The following NRXN3 variants were observed in gnomAD, a reference collection of about 807,000 sequenced individuals.
NRXN3 encodes neurexin 3, also known as neurexin III.
Under a neutral mutation model 137.6 loss-of-function variants are expected in NRXN3, and 32 were observed. That is an observed-to-expected ratio of 0.23 (90% CI 0.18 to 0.31). NRXN3 has a LOEUF of 0.31. Ranked by LOEUF, NRXN3 falls within the 10% of genes least tolerant of loss-of-function variation. NRXN3 has a pLI of 1.00. For synonymous variants in NRXN3, 798 were observed against 784.5 expected (o/e 1.02, Z -0.29); for missense variants, 1,574 against 2,062.5 (o/e 0.76, Z 4.59).
intron 1 of NRXN3, among the ~76,000 whole-genome samples, chr14:78,227,139 G>A (rs911763481): frequency 3.3e-5 from 5 of 152,194 alleles, no homozygotes; most frequent in South Asian, 2.1e-4. Flanking sequence ...CTGTGAACAC[G>A]TGTAGGGAAG....
rs185018684 is a variant in NRXN3 at position 78,605,561 on chromosome 14, A to G, written c.758-39559A>G. Among the ~76,000 whole-genome samples the G allele has an allele frequency of 1.7e-3, 255 of 152,270 alleles. 2 individuals carry two copies. The highest frequency in any genetic ancestry group is 0.012 in the Admixed American group (191 of 15,292). ...GAATTTAATGTCATATAAAAATGCT[A>G]CTGGGCAAGGAACTTTATTACACAT... On this transcript the variant is annotated intron_variant, in intron 4 of 20. Transcript: ENST00000335750.
chr14:79,778,079 C>A (rs548610997), intron 19 of NRXN3, among the ~76,000 whole-genome samples: 1 of 152,304 alleles, frequency 6.6e-6, no homozygotes, highest in Non-Finnish European at 1.5e-5. Context: ...TAAGCATGTG[C>A]ATGTAGTCAG....
chr14:79,205,217 C>G (rs2066619670), intron 15 of NRXN3, among the ~76,000 whole-genome samples: 1 of 152,162 alleles, frequency 6.6e-6, no homozygotes, highest in African/African-American at 2.4e-5. Context: ...ATGGAATGCC[C>G]TGTAGCTTGG....
intron 4 of NRXN3, among the ~76,000 whole-genome samples, chr14:78,460,908 T>C (rs896998038): frequency 6.6e-6 from 1 of 152,162 alleles, no homozygotes; most frequent in Non-Finnish European, 1.5e-5. Context: ...TCTAACTTCC[T>C]TTCTCCCTCC....
chr14:78,981,518 C>G (rs1369367376), intron 14 of NRXN3, among the ~76,000 whole-genome samples: 1 of 152,152 alleles, frequency 6.6e-6, no homozygotes, highest in Non-Finnish European at 1.5e-5. Flanking sequence ...CCTTTTGATT[C>G]AATCAACATT....
At chr14:78,854,912 C>T (rs533626446) in intron 10 of NRXN3, among the ~76,000 whole-genome samples, 44 of 152,034 alleles carry the variant, frequency 2.9e-4, no homozygotes, top group South Asian at 8.3e-4. Context: ...GTAAATTAAG[C>T]GTATATAAAA....
At chr14:79,139,859 A>T (rs1373684980) in intron 15 of NRXN3, among the ~76,000 whole-genome samples, 1 of 151,544 alleles carries the variant, frequency 6.6e-6, no homozygotes, top group African/African-American at 2.4e-5. Context: ...TGCCAGGATC[A>T]CATGCTCAAA....
chr14:79,802,575 C>T (rs1193825996), intron 19 of NRXN3, among the ~76,000 whole-genome samples: 3 of 152,274 alleles, frequency 2.0e-5, no homozygotes, highest in African/African-American at 7.2e-5. Context: ...GACATTGCCC[C>T]TATAAAGAAT....
At position 79,024,467 on chromosome 14, in the gene NRXN3, T is replaced by C. The variant is rs114694412; in HGVS notation, c.3262+36326T>C. 7.4e-3 allele frequency among the ~76,000 whole-genome samples: 1,125 copies of C among 152,280 alleles called. 13 individuals are homozygous for C. Among genetic ancestry groups the C allele is most frequent in the African/African-American group, 0.026 (1,082 of 41,550 alleles). ...CATCATATCACATCCACATATTCCA[T>C]ACCATGATCCTTAAAGAATACATGC... On this transcript the variant is annotated intron_variant, in intron 15 of 20. Coordinates refer to ENST00000335750, the MANE Select transcript of NRXN3 (RefSeq NM_001330195.2).
At chr14:79,366,784 T>C (rs1355389618) in intron 15 of NRXN3, among the ~76,000 whole-genome samples, 1 of 152,166 alleles carries the variant, frequency 6.6e-6, no homozygotes. Flanking sequence ...GGGAAGGCAT[T>C]TGAATGAATG....
At chr14:78,200,099 A>C (rs1171904221) in intron 1 of NRXN3, among the ~76,000 whole-genome samples, 1 of 152,148 alleles carries the variant, frequency 6.6e-6, no homozygotes, top group Non-Finnish European at 1.5e-5. Flanking sequence ...GCATCTCAGG[A>C]ATAGTTTACT....
chr14:79,431,864 A>G (rs1463410719), intron 15 of NRXN3, among the ~76,000 whole-genome samples: 2 of 152,122 alleles, frequency 1.3e-5, no homozygotes, highest in Non-Finnish European at 2.9e-5. Flanking sequence ...AAATGTATCT[A>G]TCTTTTTACT....
intron 15 of NRXN3, among the ~76,000 whole-genome samples, chr14:79,395,495 G>A (rs964751887): frequency 2.0e-5 from 3 of 152,042 alleles, no homozygotes; most frequent in Non-Finnish European, 4.4e-5. Context: ...TATGTGGAGT[G>A]TGTGTGTGTA....
At chr14:78,326,350 A>C (rs181778187) in intron 4 of NRXN3, among the ~76,000 whole-genome samples, 1 of 152,190 alleles carries the variant, frequency 6.6e-6, no homozygotes, top group Non-Finnish European at 1.5e-5. Context: ...CATGAGTCTG[A>C]GAAGGGCACC....
intron 15 of NRXN3, among the ~76,000 whole-genome samples, chr14:79,404,954 G>T (rs2095280803): frequency 6.6e-6 from 1 of 152,110 alleles, no homozygotes; most frequent in Admixed American, 6.6e-5. Context: ...GTGGGTGGTG[G>T]TGAGAGATGG....
intron 4 of NRXN3, among the ~76,000 whole-genome samples, chr14:78,499,966 T>C (rs1301824775): frequency 6.6e-6 from 1 of 152,168 alleles, no homozygotes; most frequent in Non-Finnish European, 1.5e-5. Flanking sequence ...TGCTGTATTC[T>C]GTTTGTTACA....
chr14:78,760,159 C>T (rs2098687506), intron 8 of NRXN3, among the ~76,000 whole-genome samples: 1 of 150,542 alleles, frequency 6.6e-6, no homozygotes, highest in Non-Finnish European at 1.5e-5. Context: ...ATTCTTCTGC[C>T]TCAGCCTCCT....
At chr14:79,724,405 T>C (rs955335464) in intron 19 of NRXN3, among the ~76,000 whole-genome samples, 11 of 152,138 alleles carry the variant, frequency 7.2e-5, no homozygotes, top group African/African-American at 2.7e-4. Context: ...ATACAATGAT[T>C]TTCAAAGAGG....
chr14:78,673,806 T>G (rs889664875), intron 6 of NRXN3, among the ~76,000 whole-genome samples: 6 of 152,186 alleles, frequency 3.9e-5, no homozygotes, highest in Non-Finnish European at 5.9e-5. Flanking sequence ...TACCATCATG[T>G]TGGAGATCAG....
Sources: allele counts gnomAD v4.1 joint callset (sites outside exome capture counted in the v4.1 genomes callset), GRCh38; gene constraint gnomAD v4.1.1; transcripts MANE v1.5; gene names NCBI Gene and HGNC (gene_info 2026-07-23, HGNC 2026-07-21).